SSC5D: variants seen among roughly 807,000 people sequenced by gnomAD.
SSC5D encodes the protein soluble scavenger receptor cysteine-rich domain-containing protein SSC5D.
In SSC5D, 106 loss-of-function variants were observed where a neutral mutation model predicts 104.6. That is an observed-to-expected ratio of 1.01 (90% CI 0.87 to 1.19). The LOEUF is 1.19. SSC5D is among the 50% of genes most tolerant of loss of function. The probability of loss-of-function intolerance (pLI) is 0.00; values close to 1 mark genes in which losing one functional copy is unlikely to be tolerated. For synonymous variants in SSC5D, 860 were observed against 883.5 expected, an observed-to-expected ratio of 0.97 and a Z score of 0.47; for missense variants, 1,993 against 2,153.8, an observed-to-expected ratio of 0.93 and a Z score of 1.48.
intron 12 of SSC5D, among the ~76,000 whole-genome samples, chr19:55,507,951 T>A (rs970284225): frequency 6.6e-5 from 10 of 152,014 alleles, no homozygotes; most frequent in Admixed American, 6.5e-4. Context: ...GAGATGTGGA[T>A]GTATTCAAGC....
chr19:55,491,077 A>G lies in SSC5D; in HGVS notation c.892A>G (p.Thr298Ala). ...DHSEDAGLVC[T>A]GPAPRLRLAD... The stretch of plus-strand genomic sequence containing the variant: ...CAGCGAGGATGCGGGGCTGGTCTGC[A>G]CCGGTACGTCGGGCTGGGGCCTGGC... Residue 298 changes from threonine (T) to alanine (A), a missense_variant, in exon 6 of 14, where the codon ACC becomes GCC. Physicochemically the swap from Thr to Ala is moderately conservative, Grantham distance 58. Transcript: ENST00000389623. The G allele has an allele frequency of 6.5e-7, 1 of 1,548,302 alleles. No individual in the cohort carries two copies. The highest frequency in any genetic ancestry group is 8.7e-7 in the Non-Finnish European group (1 of 1,145,964).
At position 55,488,506 on chromosome 19, in the gene SSC5D, C is replaced by CCTCCCTCT; in HGVS notation, c.-78_-71dup. On this transcript the variant is annotated 5_prime_UTR_variant, in exon 1 of 14. Transcript: ENST00000389623. ...GGCGCCTCCAGCAGGCACTTCCCTC[C>CCTCCCTCT]CTCCCTCTCTCCCCAGCTGCCTCCT... The CCTCCCTCT allele has an allele frequency of 7.7e-7, 1 of 1,293,328 alleles. No homozygotes were observed. 80.1% of individuals were successfully genotyped at this position (1,293,328 alleles called of 1,614,324 possible).
chr19:55,491,116 C>A, intron 6 of SSC5D, 36 bp downstream of exon 6: 1 of 1,525,348 alleles, frequency 6.6e-7, no homozygotes. Flanking sequence ...CTCCTGTCTT[C>A]CTCAGACCCC....
rs1324266708 is a variant in SSC5D, at chr19:55,517,715, C to T, written c.3439C>T (p.Pro1147Ser). 2 of 1,551,076 alleles carry T rather than the reference C, an allele frequency of 1.3e-6. No homozygotes were observed. Among genetic ancestry groups the T allele is most frequent in the Non-Finnish European group, 1.7e-6 (2 of 1,146,814 alleles). Residue 1147 changes from proline to serine, a missense_variant, in exon 14 of 14, where the codon CCA becomes TCA. This residue lies in a region of SSC5D where 423 missense variants were observed against 409.2 expected (regional missense o/e 1.03). Transcript: ENST00000389623. ...SEYSRSPDPS[P>S]SPHPTTTPDP... ...ATATTCTAGATCCCCAGACCCCTCCCCAAGCCCTCACCCCACTACTACCCC... is the reference window on the plus strand; with the variant it reads ...ATATTCTAGATCCCCAGACCCCTCCTCAAGCCCTCACCCCACTACTACCCC...
intron 6 of SSC5D, 68 bp from the exon 7 acceptor site, chr19:55,493,527 G>A: frequency 7.5e-7 from 1 of 1,325,122 alleles, no homozygotes; most frequent in Admixed American, 3.5e-5. Context: ...CAGCCTGCCT[G>A]AGCATAGCTT....
chr19:55,490,932 C>A lies in SSC5D; in HGVS notation c.747C>A (p.Gly249=). 6.5e-7 allele frequency: 1 copy of A among 1,544,062 alleles called. No individual in the cohort carries two copies. Among genetic ancestry groups the A allele is most frequent in the East Asian group, 2.5e-5 (1 of 40,802 alleles). ...GTGGGGGGGCGCTGGCTGCCCCCGGCGGTGCCAGATTCGGGCCTGGTGCAG... is the reference window on the plus strand; with the variant it reads ...GTGGGGGGGCGCTGGCTGCCCCCGGAGGTGCCAGATTCGGGCCTGGTGCAG... The part of the protein sequence containing the change: ...LGCGGALAAP[G]GARFGPGAGP... Residue 249 remains glycine, a synonymous_variant, in exon 6 of 14, where the codon GGC becomes GGA. Transcript: ENST00000389623.
intron 6 of SSC5D, chr19:55,491,347 G>T: frequency 2.2e-6 from 1 of 464,586 alleles, no homozygotes; most frequent in Non-Finnish European, 3.8e-6. Context: ...GTTTGTTTAA[G>T]CCTCAGTTTT....
At chr19:55,490,568 T>A (rs1987111482) in intron 5 of SSC5D, among the ~76,000 whole-genome samples, 160 bp downstream of exon 5, 1 of 152,096 alleles carries the variant, frequency 6.6e-6, no homozygotes, top group South Asian at 2.1e-4. Context: ...CGGCCAGGCC[T>A]GGTCTCCCCT....
chr19:55,518,968 A>G lies in SSC5D; in HGVS notation c.4692A>G (p.Glu1564=), dbSNP rs1379601786. The G allele has an allele frequency of 6.4e-7, 1 of 1,550,470 alleles. No homozygotes were observed. The change falls in exon 14 of 14, where the codon GAA becomes GAG. Residue 1564 remains glutamate, a synonymous_variant. Coordinates refer to ENST00000389623, the MANE Select transcript of SSC5D (RefSeq NM_001144950.2). ...CACCAACCACCACTACCCCAGAGGA[A>G]GAAGAAAGACCCCTGAGGGGAGACG... ...MPAPTTTTPE[E]EERPLRGDV
chr19:55,499,853 C>G lies in SSC5D; in HGVS notation c.1743C>G (p.Ser581Arg), dbSNP rs1221939607. 2 of 1,551,626 alleles carry G rather than the reference C, an allele frequency of 1.3e-6. No homozygotes were observed. Among genetic ancestry groups the G allele is most frequent in the African/African-American group, 2.7e-5 (2 of 73,112 alleles). Residue 581 changes from serine (S) to arginine (R), a missense_variant, in exon 10 of 14, where the codon AGC (serine) becomes AGG (arginine). Physicochemically the swap from Ser to Arg is moderately radical, Grantham distance 110. Transcript: ENST00000389623. ...TGGACTCCATCTCAGACCCCTTCAG[C>G]TGGAGCTGGATTCCTGGACTGGGGA... ...PGLDSISDPF[S>R]WSWIPGLGRD...
In SSC5D at chr19:55,512,606, C is replaced by T. The variant is rs538578956; in HGVS notation, c.2786-405C>T. 1.5e-4 allele frequency among the ~76,000 whole-genome samples: 23 copies of T among 151,978 alleles called. 1 individual carries two copies. The highest frequency in any genetic ancestry group is 5.1e-4 in the African/African-American group (21 of 41,436). On this transcript the variant is annotated intron_variant, in intron 12 of 13. Transcript: ENST00000389623. ...AAGTGATTCTCCTGTCTCAGCCTCC[C>T]GAGTAGCTGGGATTATAGGCGTGTG...
At chr19:55,504,464 G>A (rs1987594389) in intron 12 of SSC5D, 1 of 496,412 alleles carries the variant, frequency 2.0e-6, no homozygotes, top group Non-Finnish European at 3.1e-6. Flanking sequence ...AAGTGACTTG[G>A]TCTCTTTGAG....
chr19:55,493,766 G>T lies in SSC5D; in HGVS notation c.1067G>T (p.Gly356Val), dbSNP rs1401201163. ...GGAGGGGCGCTGGCCGCCCCCGGGG[G>T]CGCCTTCTTTGGGGAGGGGTCTGGA... ...GCGGALAAPG[G>V]AFFGEGSGPI... The change falls in exon 7 of 14, where the codon GGC becomes GTC. Residue 356 changes from glycine to valine, a missense_variant. By Grantham distance (109) the Gly-to-Val change is moderately radical (BLOSUM62 -3). This residue lies in a region of SSC5D where 1,101 missense variants were observed against 1,085.0 expected (regional missense o/e 1.01). Transcript: ENST00000389623. 1 of 1,532,104 alleles carries T rather than the reference G, an allele frequency of 6.5e-7. No individual in the cohort carries two copies. The highest frequency in any genetic ancestry group is 2.5e-5 in the East Asian group (1 of 40,084). The allele number at this position is 1,532,104 out of a possible 1,614,324, so 94.9% of individuals were successfully genotyped here.
In SSC5D at chr19:55,499,715, A is replaced by G. The variant is rs74258003; in HGVS notation, c.1706-101A>G. 7,775 of 886,522 alleles carry G rather than the reference A, an allele frequency of 8.8e-3. 314 individuals carry two copies. The East Asian group carries it at 0.12, about 14-fold the overall frequency. The allele number at this position is 886,522 out of a possible 1,614,324, so 54.9% of individuals were successfully genotyped here. ...CAATAAATGAATGAATGATGAATGAATGGGAACTGGGTGAGTGACTGGAGA... is the reference window on the plus strand; with the variant it reads ...CAATAAATGAATGAATGATGAATGAGTGGGAACTGGGTGAGTGACTGGAGA... On this transcript the variant is annotated intron_variant, in intron 9 of 13. Coordinates refer to ENST00000389623, the MANE Select transcript of SSC5D (RefSeq NM_001144950.2).
chr19:55,504,085 C>T, intron 12 of SSC5D: 2 of 1,530,790 alleles, frequency 1.3e-6, no homozygotes, highest in Non-Finnish European at 1.7e-6. Flanking sequence ...TGGGCTCCAG[C>T]TGTGAGTTAG....
intron 12 of SSC5D, among the ~76,000 whole-genome samples, chr19:55,505,882 G>C (rs1419773360): frequency 6.6e-6 from 1 of 151,646 alleles, no homozygotes; most frequent in African/African-American, 2.4e-5. Flanking sequence ...GATTACAGGC[G>C]TGTGCCACCA....
intron 6 of SSC5D, chr19:55,492,683 G>A (rs1987184907): frequency 6.6e-6 from 1 of 152,154 alleles, no homozygotes; most frequent in Admixed American, 6.6e-5. Context: ...GGGGGACAGA[G>A]AGAGGGACTC....
chr19:55,494,605 C>T lies in SSC5D; in HGVS notation c.1214-5C>T. On this transcript the variant is annotated splice_region_variant and splice_polypyrimidine_tract_variant and intron_variant, in intron 7 of 13. Coordinates refer to ENST00000389623, the MANE Select transcript of SSC5D (RefSeq NM_001144950.2). ...GGTGGCAATCACTTACCCCCTGCTC[C>T]ACAGGCATGCCCCTGGGCTACGTCC... 1.3e-6 allele frequency: 2 copies of T among 1,517,700 alleles called. No individual in the cohort carries two copies. The highest frequency in any genetic ancestry group is 1.8e-6 in the Non-Finnish European group (2 of 1,127,236). The allele number at this position is 1,517,700 out of a possible 1,614,324, so 94.0% of individuals were successfully genotyped here.
Position 55,500,071 on chromosome 19 carries a change from C to T in SSC5D, c.1961C>T (p.Ala654Val). 1 of 1,551,834 alleles carries T rather than the reference C, an allele frequency of 6.4e-7. No homozygotes were observed. The highest frequency in any genetic ancestry group is 8.7e-7 in the Non-Finnish European group (1 of 1,147,026). Residue 654 changes from alanine to valine, a missense_variant, in exon 10 of 14, where the codon GCC (alanine) becomes GTC (valine). By Grantham distance (64) the Ala-to-Val change is moderately conservative. Transcript: ENST00000389623. The surrounding 1 kb of genome is among the most constrained non-coding windows in gnomAD (Gnocchi z 4.6). Reference protein sequence around the residue: ...PVMPTTKHSRAQSPPDLTSQT... With the variant: ...PVMPTTKHSRVQSPPDLTSQT... ...ATGCCAACCACGAAACACTCCAGGGCCCAAAGCCCCCCAGACCTAACCTCA... is the reference window on the plus strand; with the variant it reads ...ATGCCAACCACGAAACACTCCAGGGTCCAAAGCCCCCCAGACCTAACCTCA...
Sources: allele counts gnomAD v4.1 joint callset (sites outside exome capture counted in the v4.1 genomes callset), GRCh38; gene constraint gnomAD v4.1.1; regional missense constraint gnomAD v4.1.1; non-coding constraint Gnocchi (gnomAD v3.1); transcripts MANE v1.5; gene names NCBI Gene and HGNC (gene_info 2026-07-23, HGNC 2026-07-21).